THEMIS: variants seen among roughly 807,000 people sequenced by gnomAD.
The protein encoded by THEMIS is thymocyte selection associated.
Under a neutral mutation model 52.6 loss-of-function variants are expected in THEMIS, and 37 were observed. The ratio of observed to expected loss-of-function variants is 0.70; its 90% CI spans 0.54 to 0.93. The LOEUF (loss-of-function observed/expected upper bound fraction) is 0.93. THEMIS is among the 40% of genes least tolerant of loss of function. The pLI is 0.00. For synonymous variants in THEMIS, 292 were observed against 272.7 expected (o/e 1.07, Z -0.70); for missense variants, 808 against 763.1 (o/e 1.06, Z -0.69).
At position 127,788,828 on chromosome 6, in the gene THEMIS, T is replaced by C. The variant is rs138834352; in HGVS notation, c.1758+24055A>G. On this transcript the variant is annotated intron_variant, in intron 4 of 5. Coordinates refer to ENST00000368248, the MANE Select transcript of THEMIS (RefSeq NM_001010923.3). ...ATTACATAAATACAATGAACTTTAT[T>C]TACCTTAATATAGTAAAAACATACC... is the stretch of plus-strand genomic sequence containing the variant. 3.3e-5 allele frequency among the ~76,000 whole-genome samples: 5 copies of C among 152,218 alleles called. No individual in the cohort carries two copies. In the East Asian group the frequency reaches 9.6e-4, roughly 29 times the overall value.
At chr6:127,862,428 A>ATTTTTTTTTTTTTTTTTTT (rs71028110) in intron 1 of THEMIS, among the ~76,000 whole-genome samples, 903 of 72,706 alleles carry the variant, frequency 0.012, 122 homozygotes, top group East Asian at 0.019. Flanking sequence ...TAGGGAGTAA[A>ATTTTTTTTTTTTTTTTTTT]TTTTTTTTTT....
In THEMIS at chr6:127,791,157, A is replaced by G. The variant is rs542292214; in HGVS notation, c.1758+21726T>C. ...GGCAGGTCCCAAGTTCTTGTACTGC[A>G]TCCAGGAAGAATGAGTTATGCAGAC... On this transcript the variant is annotated intron_variant, in intron 4 of 5. Coordinates refer to ENST00000368248, the MANE Select transcript of THEMIS (RefSeq NM_001010923.3). Among the ~76,000 whole-genome samples, 6 of 152,342 alleles carry G rather than the reference A, an allele frequency of 3.9e-5. No homozygotes were observed. In the South Asian group the frequency reaches 1.0e-3, roughly 26 times the overall value.
rs1773872031 is a variant in THEMIS, at chr6:127,708,653, T to C, written c.*1332A>G. ...AAAGAAAAACTGTCCCATAAAACTT[T>C]AGACATTGTAGATAAGAAATGATAT... is the stretch of plus-strand genomic sequence containing the variant. On this transcript the variant is annotated 3_prime_UTR_variant, in exon 6 of 6. Transcript: ENST00000368248. The C allele has an allele frequency of 6.6e-6, 1 of 152,070 alleles. No homozygotes were observed. Among genetic ancestry groups the C allele is most frequent in the Non-Finnish European group, 1.5e-5 (1 of 67,988 alleles). 9.4% of individuals were successfully genotyped at this position (152,070 alleles called of 1,614,324 possible).
chr6:127,886,551 C>G (rs1780650665), intron 1 of THEMIS, among the ~76,000 whole-genome samples: 1 of 152,066 alleles, frequency 6.6e-6, no homozygotes, highest in South Asian at 2.1e-4. Context: ...ACTTGGGGTC[C>G]TGGACCACAC....
chr6:127,787,836 TAGAGATAGAC>T lies in THEMIS; in HGVS notation c.1758+25037_1758+25046del, dbSNP rs1457672044. Among the ~76,000 whole-genome samples, 510 of 128,470 alleles carry T rather than the reference TAGAGATAGAC, an allele frequency of 4.0e-3. 1 individual carries two copies. Among genetic ancestry groups the T allele is most frequent in the Middle Eastern group, 0.013 (3 of 240 alleles). 84.3% of individuals were successfully genotyped at this position (128,470 alleles called of 152,430 possible). A position where few individuals can be genotyped will look rare whatever the true frequency, so the allele number is the denominator to read the frequency against. ...ATAGATAGATAGATAGATAGATAGA[TAGAGATAGAC>T]AGATATAGATAGATAGATAGATAGA... On this transcript the variant is annotated intron_variant, in intron 4 of 5. Coordinates refer to ENST00000368248, the MANE Select transcript of THEMIS (RefSeq NM_001010923.3).
intron 5 of THEMIS, among the ~76,000 whole-genome samples, chr6:127,711,447 A>T (rs1275439740): frequency 1.3e-5 from 2 of 151,844 alleles, no homozygotes; most frequent in African/African-American, 2.4e-5. Context: ...TAATCATCTG[A>T]ATTTACTTTC....
downstream of THEMIS, among the ~76,000 whole-genome samples, chr6:127,704,336 G>A (rs1773772721): frequency 6.6e-6 from 1 of 152,154 alleles, no homozygotes; most frequent in Admixed American, 6.5e-5. Context: ...GGGAGGTCAA[G>A]TCTGTGGTTA....
chr6:127,713,953 G>A (rs1172712868), intron 5 of THEMIS, among the ~76,000 whole-genome samples: 1 of 151,880 alleles, frequency 6.6e-6, no homozygotes, highest in Non-Finnish European at 1.5e-5. Flanking sequence ...GAAAGCAAGT[G>A]CAAGAATCCA....
intron 5 of THEMIS, among the ~76,000 whole-genome samples, chr6:127,713,993 T>C (rs1464349695): frequency 6.6e-6 from 1 of 151,862 alleles, no homozygotes; most frequent in Non-Finnish European, 1.5e-5. Context: ...TAGCAGCAGA[T>C]AGCTTAGACT....
At chr6:127,754,164 A>G (rs956945714) in intron 4 of THEMIS, among the ~76,000 whole-genome samples, 34 of 152,178 alleles carry the variant, frequency 2.2e-4, no homozygotes, top group African/African-American at 7.7e-4. Flanking sequence ...TACATTATAC[A>G]AGTAGTCACA....
At chr6:127,867,756 T>C (rs1047671920) in intron 1 of THEMIS, among the ~76,000 whole-genome samples, 1 of 152,142 alleles carries the variant, frequency 6.6e-6, no homozygotes, top group South Asian at 2.1e-4. Flanking sequence ...GTATATTTCA[T>C]TATTTAAATT....
intron 4 of THEMIS, among the ~76,000 whole-genome samples, chr6:127,735,048 CA>C (rs1367817303): frequency 6.7e-6 from 1 of 149,446 alleles, no homozygotes; most frequent in Non-Finnish European, 1.5e-5. Context: ...CTTCTAAAGT[CA>C]AAATTGAAGA....
At chr6:127,901,246 G>A (rs958708498), upstream of THEMIS, among the ~76,000 whole-genome samples, 14 of 152,080 alleles carry the variant, frequency 9.2e-5, no homozygotes, top group Non-Finnish European at 5.9e-5. Flanking sequence ...GCTAAGTAGC[G>A]CATTCTGTCC....
At chr6:127,779,465 A>G (rs1015084406) in intron 4 of THEMIS, among the ~76,000 whole-genome samples, 1 of 152,172 alleles carries the variant, frequency 6.6e-6, no homozygotes, top group African/African-American at 2.4e-5. Context: ...GGATTTGCCA[A>G]TCAGGTAGAG....
chr6:127,769,776 C>A (rs1347668947), intron 4 of THEMIS, among the ~76,000 whole-genome samples: 1 of 152,114 alleles, frequency 6.6e-6, no homozygotes, highest in Non-Finnish European at 1.5e-5. Flanking sequence ...CTACCCCTCC[C>A]CCATCCTCCA....
rs1773859388 is a variant in THEMIS, at chr6:127,708,313, T to C, written c.*1672A>G. The C allele has an allele frequency of 6.6e-6, 1 of 152,128 alleles. No homozygotes were observed. The highest frequency in any genetic ancestry group is 1.5e-5 in the Non-Finnish European group (1 of 68,004). The allele number at this position is 152,128 out of a possible 1,614,324, so 9.4% of individuals were successfully genotyped here. A position where few individuals can be genotyped will look rare whatever the true frequency, so the allele number is the denominator to read the frequency against. ...GAAACACAGTATGTGAAAGGACTTA[T>C]ATTTAGAAATGTTATATATGATTTC... On this transcript the variant is annotated 3_prime_UTR_variant, in exon 6 of 6. Coordinates refer to ENST00000368248, the MANE Select transcript of THEMIS (RefSeq NM_001010923.3).
chr6:127,910,956 C>T (rs1283401991), intron 1 of THEMIS, among the ~76,000 whole-genome samples: 1 of 152,064 alleles, frequency 6.6e-6, no homozygotes, highest in Non-Finnish European at 1.5e-5. Context: ...TTCTGATGAC[C>T]TTGACAATTT....
chr6:127,702,079 C>G, the THEMIS span, among the ~76,000 whole-genome samples: 1 of 151,562 alleles, frequency 6.6e-6, no homozygotes, highest in Non-Finnish European at 1.5e-5. Context: ...ATCCTTTTAC[C>G]AAGAATTCAA....
At chr6:127,915,924 T>A (rs932635666) in intron 1 of THEMIS, among the ~76,000 whole-genome samples, 9 of 152,214 alleles carry the variant, frequency 5.9e-5, no homozygotes, top group East Asian at 1.9e-4. Context: ...GAGGCAGAGG[T>A]TGCAGTGAGC....
Sources: gnomAD v4.1 joint callset for allele counts (sites outside exome capture counted in the v4.1 genomes callset) on GRCh38, gnomAD v4.1.1 for gene constraint, MANE v1.5 for transcripts, NCBI Gene and HGNC (gene_info 2026-07-23, HGNC 2026-07-21) for gene names.